SLC39A11: variants seen among roughly 807,000 people sequenced by gnomAD.
SLC39A11 encodes zinc transporter ZIP11.
SLC39A11 carries 33 observed loss-of-function variants against 36.1 expected under a neutral mutation model. The ratio of observed to expected loss-of-function variants is 0.91; its 90% CI spans 0.69 to 1.22. SLC39A11 has a LOEUF of 1.22. SLC39A11 is among the 50% of genes most tolerant of loss of function. The pLI, the probability that SLC39A11 is intolerant of heterozygous loss-of-function variation, is 0.00. For missense variants in SLC39A11, 432 were observed against 430.3 expected, an observed-to-expected ratio of 1.00 and a Z score of -0.03; for synonymous variants, 166 against 170.3, an observed-to-expected ratio of 0.97 and a Z score of 0.20.
intron 5 of SLC39A11, among the ~76,000 whole-genome samples, chr17:72,914,240 C>T (rs62069572): frequency 0.15 from 22,835 of 150,676 alleles, 1,967 homozygotes; most frequent in Non-Finnish European, 0.2. Context: ...GGCATGAACC[C>T]GGGAGGCAGA....
chr17:73,006,786 T>A (rs569263421), intron 4 of SLC39A11, among the ~76,000 whole-genome samples: 1 of 152,130 alleles, frequency 6.6e-6, no homozygotes, highest in South Asian at 2.1e-4. Flanking sequence ...CGTGATTGAG[T>A]CTCCTTTCCA....
intron 7 of SLC39A11, among the ~76,000 whole-genome samples, chr17:72,710,230 C>A (rs2073059003): frequency 6.6e-6 from 1 of 152,154 alleles, no homozygotes; most frequent in East Asian, 1.9e-4. Context: ...ATTTCAGTTC[C>A]CCTGTGGTTC....
chr17:72,815,935 C>A lies in SLC39A11; in HGVS notation c.601+33699G>T, dbSNP rs1194879199. Among the ~76,000 whole-genome samples the A allele has an allele frequency of 2.0e-5, 3 of 152,170 alleles. No homozygotes were observed. In the East Asian group the frequency reaches 5.8e-4, roughly 29 times the overall value. ...AACTGTGTCTCAAAAAGTCTGATGT[C>A]CCTAAAAGTGTTTTGTTGTTGTTGT... On this transcript the variant is annotated intron_variant, in intron 6 of 9. Transcript: ENST00000255559.
chr17:72,859,033 T>C (rs951883294), intron 5 of SLC39A11, among the ~76,000 whole-genome samples: 2 of 152,204 alleles, frequency 1.3e-5, no homozygotes, highest in Non-Finnish European at 2.9e-5. Flanking sequence ...CATTACTATG[T>C]TGAATAGGAG....
At chr17:73,057,422 C>A (rs1211696366) in intron 3 of SLC39A11, among the ~76,000 whole-genome samples, 1 of 152,170 alleles carries the variant, frequency 6.6e-6, no homozygotes, top group Non-Finnish European at 1.5e-5. Context: ...CTGACCGCAC[C>A]TTTTCTCTAT....
chr17:72,861,943 G>A (rs779713808), intron 5 of SLC39A11, among the ~76,000 whole-genome samples: 1 of 150,774 alleles, frequency 6.6e-6, no homozygotes, highest in Non-Finnish European at 1.5e-5. Context: ...ACCACTCTGT[G>A]GTCCATGGAT....
intron 7 of SLC39A11, among the ~76,000 whole-genome samples, chr17:72,720,700 G>A (rs542900226): frequency 1.3e-5 from 2 of 152,206 alleles, no homozygotes; most frequent in Admixed American, 6.5e-5. Flanking sequence ...TCAGTTCATT[G>A]GTCAGAACAA....
At chr17:72,906,349 G>A (rs1313221574) in intron 5 of SLC39A11, among the ~76,000 whole-genome samples, 1 of 152,236 alleles carries the variant, frequency 6.6e-6, no homozygotes, top group Non-Finnish European at 1.5e-5. Context: ...AGTCAGGATT[G>A]AGAGACGTGG....
At chr17:72,884,567 C>T (rs1349014807) in intron 5 of SLC39A11, among the ~76,000 whole-genome samples, 1 of 152,196 alleles carries the variant, frequency 6.6e-6, no homozygotes, top group African/African-American at 2.4e-5. Flanking sequence ...TTGGATTTTT[C>T]AGGTAGTCAT....
At chr17:72,655,232 C>T (rs551342395) in intron 7 of SLC39A11, among the ~76,000 whole-genome samples, 4 of 152,366 alleles carry the variant, frequency 2.6e-5, no homozygotes, top group South Asian at 2.1e-4. Flanking sequence ...CCCGTGCACA[C>T]GCACAGGCCC....
chr17:72,978,709 G>A (rs556098416), intron 4 of SLC39A11, among the ~76,000 whole-genome samples: 98 of 152,276 alleles, frequency 6.4e-4, no homozygotes, highest in African/African-American at 2.2e-3. Flanking sequence ...CTGGGACAGA[G>A]ACAGTAATGC....
At chr17:72,671,239 ACT>A (rs1426352522) in intron 7 of SLC39A11, among the ~76,000 whole-genome samples, 2 of 151,982 alleles carry the variant, frequency 1.3e-5, no homozygotes, top group African/African-American at 4.8e-5. Flanking sequence ...GAACCAATGA[ACT>A]CTGTTTCCAA....
Position 72,849,808 on chromosome 17 carries a change from A to G in SLC39A11, c.431-4T>C. The G allele has an allele frequency of 2.1e-6, 3 of 1,414,404 alleles. No homozygotes were observed. Among genetic ancestry groups the G allele is most frequent in the African/African-American group, 2.0e-5 (1 of 49,200 alleles). 87.6% of individuals were successfully genotyped at this position (1,414,404 alleles called of 1,614,324 possible). On this transcript the variant is annotated splice_region_variant and splice_polypyrimidine_tract_variant and intron_variant, in intron 5 of 9. Coordinates refer to ENST00000255559, the MANE Select transcript of SLC39A11 (RefSeq NM_139177.4). The stretch of plus-strand genomic sequence containing the variant: ...GCCTCACCATTCTCACTCTTGTCTG[A>G]GCAAAAAAAAAAAAAAAGAGAGATG...
chr17:73,022,592 T>C (rs1454382430), intron 4 of SLC39A11, among the ~76,000 whole-genome samples: 4 of 84,922 alleles, frequency 4.7e-5, no homozygotes, highest in Admixed American at 4.3e-4. Context: ...CAAAACTCCA[T>C]CTTAAAAAAA....
At position 72,729,756 on chromosome 17, in the gene SLC39A11, C is replaced by T. The variant is rs115558008; in HGVS notation, c.671+6894G>A. On this transcript the variant is annotated intron_variant, in intron 7 of 9. Coordinates refer to ENST00000255559, the MANE Select transcript of SLC39A11 (RefSeq NM_139177.4). ...ATCCCCTTACCAAAGCAGACCACCC[C>T]TATGCTCCTGATGAAATGTAGACCA... is the stretch of plus-strand genomic sequence containing the variant. Among the ~76,000 whole-genome samples, 1,182 of 151,918 alleles carry T rather than the reference C, an allele frequency of 7.8e-3. 18 individuals are homozygous for T. Among genetic ancestry groups the T allele is most frequent in the African/African-American group, 0.027 (1,117 of 41,442 alleles).
At chr17:72,655,402 C>T (rs149050124) in intron 7 of SLC39A11, among the ~76,000 whole-genome samples, 142 of 152,372 alleles carry the variant, frequency 9.3e-4, no homozygotes, top group African/African-American at 2.5e-3. Flanking sequence ...TCAGACCTGA[C>T]GACACATGCC....
chr17:72,897,226 GGACA>G (rs1477938682), intron 5 of SLC39A11, among the ~76,000 whole-genome samples: 2 of 152,066 alleles, frequency 1.3e-5, no homozygotes, highest in African/African-American at 4.8e-5. Flanking sequence ...ACCCCAGTGG[GGACA>G]GACAGTGACC....
chr17:72,761,196 C>T (rs1194205961), intron 6 of SLC39A11, among the ~76,000 whole-genome samples: 1 of 152,114 alleles, frequency 6.6e-6, no homozygotes, highest in Non-Finnish European at 1.5e-5. Context: ...TTCACTGCAA[C>T]CTCCGCCTCT....
At chr17:72,781,335 C>T (rs1000514286) in intron 6 of SLC39A11, among the ~76,000 whole-genome samples, 45 of 152,280 alleles carry the variant, frequency 3.0e-4, no homozygotes, top group Non-Finnish European at 5.7e-4. Flanking sequence ...ATTTATTTTA[C>T]TGAAACCTGT....
Sources: allele counts gnomAD v4.1 joint callset (sites outside exome capture counted in the v4.1 genomes callset), GRCh38; gene constraint gnomAD v4.1.1; transcripts MANE v1.5; gene names NCBI Gene and HGNC (gene_info 2026-07-23, HGNC 2026-07-21).